Variants in PCMTD2 observed in about 807,000 individuals in gnomAD.
The protein encoded by PCMTD2 is protein-L-isoaspartate O-methyltransferase domain-containing protein 2.
In PCMTD2, 16 loss-of-function variants were observed where a neutral mutation model predicts 33.4. The observed-to-expected ratio is 0.48, with a 90% CI of 0.32 to 0.73. The LOEUF (loss-of-function observed/expected upper bound fraction) is 0.73. Ranked by LOEUF, PCMTD2 falls within the 30% of genes least tolerant of loss-of-function variation. PCMTD2 has a pLI of 0.03. For synonymous variants in PCMTD2, 161 were observed against 160.8 expected (o/e 1.00, Z -0.01); for missense variants, 374 against 449.9 (o/e 0.83, Z 1.53).
intron 5 of PCMTD2, among the ~76,000 whole-genome samples, chr20:64,268,583 T>G (rs1985754856): frequency 6.6e-6 from 1 of 152,192 alleles, no homozygotes; most frequent in South Asian, 2.1e-4. Flanking sequence ...CTCCTAATGT[T>G]TTAAAATTTA....
At chr20:64,256,036 C>A (rs1022183865) in intron 1 of PCMTD2, 166 bp downstream of exon 1, 1 of 152,318 alleles carries the variant, frequency 6.6e-6, no homozygotes, top group African/African-American at 2.4e-5. Flanking sequence ...TCACCTCCCC[C>A]CAGCGGCCTC....
At position 64,264,551 on chromosome 20, in the gene PCMTD2, A is replaced by G. The variant is rs1424357587; in HGVS notation, c.410+20A>G. ...TGACAAGTAAGATGAAATACTATCC[A>G]TTGGCTCAGATGATGTGAACTGTAA... On this transcript the variant is annotated intron_variant, in intron 3 of 5. Transcript: ENST00000308824. The G allele has an allele frequency of 8.9e-6, 10 of 1,126,294 alleles. No individual in the cohort carries two copies. Among genetic ancestry groups the G allele is most frequent in the Non-Finnish European group, 1.4e-5 (10 of 735,716 alleles). 69.8% of individuals were successfully genotyped at this position (1,126,294 alleles called of 1,614,324 possible). A position where few individuals can be genotyped will look rare whatever the true frequency, so the allele number is the denominator to read the frequency against.
intron 5 of PCMTD2, chr20:64,272,006 ATC>A (rs1985931423): frequency 2.9e-6 from 1 of 346,742 alleles, no homozygotes; most frequent in African/African-American, 2.1e-5. Flanking sequence ...AAGAGGCACG[ATC>A]GTGGTGTTGA....
intron 1 of PCMTD2, among the ~76,000 whole-genome samples, chr20:64,257,447 CAGCGTTCTAA>C (rs1985215568): frequency 6.6e-6 from 1 of 152,160 alleles, no homozygotes; most frequent in African/African-American, 2.4e-5. Context: ...TCATCGAGTG[CAGCGTTCTAA>C]AAATGATTCT....
At position 64,275,111 on chromosome 20, in the gene PCMTD2, A is replaced by C. The variant is rs1336468021; in HGVS notation, c.*1511A>C. On this transcript the variant is annotated 3_prime_UTR_variant, in exon 6 of 6. Transcript: ENST00000308824. ...TAAGTAACTGAGTCATTTTTACCAC[A>C]CAGTCCAGTTTGCATGTATAGCTAG... The C allele has an allele frequency of 6.6e-6, 1 of 152,090 alleles. No homozygotes were observed. The highest frequency in any genetic ancestry group is 1.9e-4 in the East Asian group (1 of 5,194). The allele number at this position is 152,090 out of a possible 1,614,324, so 9.4% of individuals were successfully genotyped here.
At chr20:64,259,309 G>C (rs1453431550) in intron 1 of PCMTD2, among the ~76,000 whole-genome samples, 1 of 152,002 alleles carries the variant, frequency 6.6e-6, no homozygotes, top group Non-Finnish European at 1.5e-5. Context: ...GACTTGGGTG[G>C]GTACTTTTGT....
At chr20:64,272,075 G>GA (rs1023886931) in intron 5 of PCMTD2, 2 of 409,204 alleles carry the variant, frequency 4.9e-6, no homozygotes, top group African/African-American at 2.1e-5. Flanking sequence ...GGAGAAAGGA[G>GA]AAGGGACCTC....
intron 2 of PCMTD2, among the ~76,000 whole-genome samples, chr20:64,260,615 A>C (rs953966991): frequency 1.3e-5 from 2 of 150,068 alleles, no homozygotes; most frequent in Non-Finnish European, 2.9e-5. Context: ...TAATTTTATC[A>C]CTCATTCTTC....
At chr20:64,260,806 A>T (rs1479855880) in intron 2 of PCMTD2, among the ~76,000 whole-genome samples, 7 of 146,666 alleles carry the variant, frequency 4.8e-5, no homozygotes, top group Admixed American at 7.0e-5. Flanking sequence ...CCTGGGATCC[A>T]GCAAATCCTC....
At chr20:64,269,939 T>TG (rs1247520341) in intron 5 of PCMTD2, among the ~76,000 whole-genome samples, 1 of 142,206 alleles carries the variant, frequency 7.0e-6, no homozygotes, top group Non-Finnish European at 1.5e-5. Context: ...CTGCACGGTG[T>TG]GGGGTCCCGT....
chr20:64,271,937 G>A, intron 5 of PCMTD2: 1 of 315,064 alleles, frequency 3.2e-6, no homozygotes, highest in Non-Finnish European at 6.4e-6. Flanking sequence ...CTAGATGTGA[G>A]ATGATGAAGG....
intron 2 of PCMTD2, 76 bp from the exon 3 acceptor site, chr20:64,264,353 C>G: frequency 1.3e-6 from 1 of 756,624 alleles, no homozygotes. Context: ...AGACGTGTTA[C>G]AGTTGGTAGA....
At chr20:64,261,694 G>A (rs1313942055) in intron 2 of PCMTD2, among the ~76,000 whole-genome samples, 1 of 152,166 alleles carries the variant, frequency 6.6e-6, no homozygotes, top group Non-Finnish European at 1.5e-5. Flanking sequence ...ACCTTCAGGT[G>A]TAAAAGTGTG....
At chr20:64,269,901 ATG>A (rs1985823578) in intron 5 of PCMTD2, among the ~76,000 whole-genome samples, 2 of 122,864 alleles carry the variant, frequency 1.6e-5, no homozygotes, top group South Asian at 2.8e-4. Context: ...GAGTGCGGGC[ATG>A]CATGGTGTGT....
At chr20:64,267,172 G>A (rs556337687) in intron 4 of PCMTD2, among the ~76,000 whole-genome samples, 1 of 152,304 alleles carries the variant, frequency 6.6e-6, no homozygotes, top group South Asian at 2.1e-4. Flanking sequence ...GCCACACAGA[G>A]TGCACAGAGG....
intron 1 of PCMTD2, among the ~76,000 whole-genome samples, chr20:64,258,269 C>G (rs1254419458): frequency 6.6e-6 from 1 of 152,190 alleles, no homozygotes; most frequent in Non-Finnish European, 1.5e-5. Context: ...AGCCTCAGAA[C>G]TGAGTGGCTT....
At position 64,273,892 on chromosome 20, in the gene PCMTD2, A is replaced by G. The variant is rs116761945; in HGVS notation, c.*292A>G. 2,765 of 282,600 alleles carry G rather than the reference A, an allele frequency of 9.8e-3. 76 individuals are homozygous for G. The highest frequency in any genetic ancestry group is 0.056 in the African/African-American group (2,582 of 45,820). The allele number at this position is 282,600 out of a possible 1,614,324, so 17.5% of individuals were successfully genotyped here. A position where few individuals can be genotyped will look rare whatever the true frequency, so the allele number is the denominator to read the frequency against. On this transcript the variant is annotated 3_prime_UTR_variant, in exon 6 of 6. Transcript: ENST00000308824. ...GAAGGCTGTTTCTTTTTCGGCTCTG[A>G]CGAAACACTGAAGTCTGCGTAAGAG...
Position 64,268,015 on chromosome 20 carries a change from G to A in PCMTD2, c.706+5G>A. The A allele has an allele frequency of 6.2e-7, 1 of 1,604,360 alleles. No individual in the cohort carries two copies. Among genetic ancestry groups the A allele is most frequent in the Non-Finnish European group, 8.5e-7 (1 of 1,173,814 alleles). ...AATCAAGACTTGTCCAGTTACGTAA[G>A]TATACCAATCTTTACTTATTTTATC... On this transcript the variant is annotated splice_donor_5th_base_variant and intron_variant, in intron 5 of 5. Transcript: ENST00000308824.
chr20:64,259,513 C>T (rs1029022282), intron 1 of PCMTD2, among the ~76,000 whole-genome samples: 2 of 151,544 alleles, frequency 1.3e-5, no homozygotes, highest in Admixed American at 1.3e-4. Context: ...CTCAGCCTCG[C>T]CAGTAGCTGG....
Sources: allele counts gnomAD v4.1 joint callset (sites outside exome capture counted in the v4.1 genomes callset), GRCh38; gene constraint gnomAD v4.1.1; transcripts MANE v1.5; gene names NCBI Gene and HGNC (gene_info 2026-07-23, HGNC 2026-07-21).